FRMD5: variants seen among roughly 807,000 people sequenced by gnomAD.
FRMD5 encodes the protein FERM domain-containing protein 5.
In FRMD5, 20 loss-of-function variants were observed where a neutral mutation model predicts 69.0. The ratio of observed to expected loss-of-function variants is 0.29; its 90% CI spans 0.20 to 0.42. The LOEUF is 0.42. Ranked by LOEUF, FRMD5 falls within the 10% of genes least tolerant of loss-of-function variation. The probability of loss-of-function intolerance (pLI) is 1.00; values close to 1 mark genes in which losing one functional copy is unlikely to be tolerated. For missense variants in FRMD5, 595 were observed against 708.6 expected (o/e 0.84, Z 1.82); for synonymous variants, 271 against 260.1 (o/e 1.04, Z -0.40).
intron 1 of FRMD5, among the ~76,000 whole-genome samples, chr15:44,184,282 T>G (rs1294435958): frequency 6.6e-6 from 1 of 152,188 alleles, no homozygotes; most frequent in African/African-American, 2.4e-5. Flanking sequence ...GGTCTATTAA[T>G]CCATTAAGAA....
chr15:44,037,861 A>T (rs1891991944), intron 1 of FRMD5, among the ~76,000 whole-genome samples: 1 of 152,042 alleles, frequency 6.6e-6, no homozygotes, highest in African/African-American at 2.4e-5. Flanking sequence ...CTGGTTCTAG[A>T]TCCTTGAGGA....
At chr15:44,094,914 C>T (rs931155982) in intron 1 of FRMD5, among the ~76,000 whole-genome samples, 1 of 152,050 alleles carries the variant, frequency 6.6e-6, no homozygotes, top group South Asian at 2.1e-4. Flanking sequence ...CTCTAGAAAG[C>T]TTTGACAAAA....
intron 1 of FRMD5, among the ~76,000 whole-genome samples, chr15:44,138,328 C>T (rs1178606851): frequency 6.6e-6 from 1 of 152,080 alleles, no homozygotes; most frequent in South Asian, 2.1e-4. Context: ...AGTGCAATCT[C>T]AGTACCAATC....
chr15:44,195,161 C>A lies in FRMD5; in HGVS notation c.-107G>T. The A allele has an allele frequency of 1.2e-6, 1 of 827,206 alleles. No homozygotes were observed. Among genetic ancestry groups the A allele is most frequent in the Non-Finnish European group, 1.8e-6 (1 of 560,580 alleles). The allele number at this position is 827,206 out of a possible 1,614,324, so 51.2% of individuals were successfully genotyped here. A position where few individuals can be genotyped will look rare whatever the true frequency, so the allele number is the denominator to read the frequency against. On this transcript the variant is annotated 5_prime_UTR_variant, in exon 1 of 14. Transcript: ENST00000417257. ...CGACCCCAGGCACCTGCACCATCAC[C>A]CCGGCCCCGTCGCTGCCGTTGCCTC... is the stretch of plus-strand genomic sequence containing the variant.
At chr15:44,078,674 C>T (rs1022984003) in intron 1 of FRMD5, among the ~76,000 whole-genome samples, 6 of 152,068 alleles carry the variant, frequency 3.9e-5, no homozygotes, top group Admixed American at 1.3e-4. Context: ...ACAAGAATGC[C>T]AAGACCATTT....
chr15:44,151,424 G>C (rs1173157114), intron 1 of FRMD5, among the ~76,000 whole-genome samples: 2 of 148,280 alleles, frequency 1.3e-5, no homozygotes, highest in Non-Finnish European at 3.0e-5. Flanking sequence ...AAGAAAGAAA[G>C]AAAAAAGAAT....
intron 1 of FRMD5, among the ~76,000 whole-genome samples, chr15:44,051,280 T>C (rs547702996): frequency 3.4e-4 from 51 of 148,714 alleles, no homozygotes; most frequent in Admixed American, 1.4e-3. Flanking sequence ...GCCTCCCAAG[T>C]AGCTGGGATT....
intron 12 of FRMD5, 61 bp from the exon 13 acceptor site, chr15:43,883,870 A>G: frequency 8.2e-7 from 1 of 1,224,264 alleles, no homozygotes; most frequent in East Asian, 2.3e-5. Flanking sequence ...GTAGGCACTT[A>G]AGAATTGAGT....
intron 1 of FRMD5, among the ~76,000 whole-genome samples, chr15:43,938,211 G>A (rs950496354): frequency 1.8e-4 from 22 of 121,720 alleles, no homozygotes; most frequent in Admixed American, 1.2e-3. Context: ...TGGCCTGGGC[G>A]AAAGAGCGAG....
rs766345167 is a variant in FRMD5, at chr15:43,873,222, T to G, written c.*663A>C. 6.5e-6 allele frequency: 10 copies of G among 1,550,214 alleles called. No homozygotes were observed. The highest frequency in any genetic ancestry group is 2.7e-5 in the African/African-American group (2 of 72,998). ...AGCGGTGGTCCCTTCAGATGCCCAC[T>G]CTGCTCAGATTTGAAAAAACAAAAG... is the stretch of plus-strand genomic sequence containing the variant. On this transcript the variant is annotated 3_prime_UTR_variant, in exon 14 of 14. Transcript: ENST00000417257.
chr15:43,958,552 C>A (rs1369757848), intron 1 of FRMD5, among the ~76,000 whole-genome samples: 2 of 152,190 alleles, frequency 1.3e-5, no homozygotes, highest in Non-Finnish European at 2.9e-5. Context: ...CCCACCTCAG[C>A]CTCCTGAGTA....
intron 1 of FRMD5, among the ~76,000 whole-genome samples, chr15:44,116,938 C>A (rs887676934): frequency 6.7e-6 from 1 of 148,536 alleles, no homozygotes; most frequent in Non-Finnish European, 1.5e-5. Context: ...AAAAATTAAC[C>A]GAGCATGGTG....
intron 1 of FRMD5, among the ~76,000 whole-genome samples, chr15:44,149,243 TA>T (rs2077405933): frequency 6.6e-6 from 1 of 151,960 alleles, no homozygotes; most frequent in African/African-American, 2.4e-5. Context: ...ATCCCTATAG[TA>T]ACCACAGAGA....
chr15:43,894,480 G>A (rs1318607785), intron 7 of FRMD5, among the ~76,000 whole-genome samples: 3 of 151,992 alleles, frequency 2.0e-5, no homozygotes, highest in African/African-American at 4.8e-5. Flanking sequence ...AGTGGGGAAC[G>A]TCCGTATGTG....
At chr15:43,905,972 GA>G in intron 5 of FRMD5, 21 bp from the exon 6 acceptor site, 1 of 1,614,160 alleles carries the variant, frequency 6.2e-7, no homozygotes, top group Non-Finnish European at 8.5e-7. Flanking sequence ...GAAGGTGGAA[GA>G]AAACAATTGT....
intron 4 of FRMD5, 131 bp downstream of exon 4, chr15:43,919,328 T>TTA (rs772482381): frequency 2.2e-5 from 18 of 822,368 alleles, no homozygotes; most frequent in South Asian, 4.0e-5. Flanking sequence ...ACAGAAGTCA[T>TTA]TATATTTAGG....
At chr15:43,880,351 G>A (rs148911600) in intron 13 of FRMD5, among the ~76,000 whole-genome samples, 20 of 152,172 alleles carry the variant, frequency 1.3e-4, no homozygotes, top group South Asian at 4.1e-4. Flanking sequence ...GGCCCTCATC[G>A]CATCCCTCGC....
intron 7 of FRMD5, among the ~76,000 whole-genome samples, chr15:43,899,490 G>T (rs1199849584): frequency 6.6e-6 from 1 of 152,144 alleles, no homozygotes; most frequent in Non-Finnish European, 1.5e-5. Flanking sequence ...CTGAGGGCTT[G>T]TGAATTTTGG....
intron 1 of FRMD5, among the ~76,000 whole-genome samples, chr15:44,055,249 T>TA (rs1191302171): frequency 6.6e-6 from 1 of 152,084 alleles, no homozygotes; most frequent in Non-Finnish European, 1.5e-5. Context: ...TTTATTTTTT[T>TA]ACTTGGCCCA....
Sources: allele counts gnomAD v4.1 joint callset (sites outside exome capture counted in the v4.1 genomes callset), GRCh38; gene constraint gnomAD v4.1.1; transcripts MANE v1.5; gene names NCBI Gene and HGNC (gene_info 2026-07-23, HGNC 2026-07-21).